Variants in GAS7 observed in about 807,000 individuals in gnomAD.
GAS7 encodes the protein growth arrest-specific protein 7.
A neutral mutation model predicts 71.1 loss-of-function variants in GAS7; 28 were observed. The observed-to-expected ratio is 0.39, with a 90% confidence interval of 0.29 to 0.54. The LOEUF (loss-of-function observed/expected upper bound fraction) is 0.54. Among genes scored for constraint, GAS7 ranks in the 20% least tolerant of loss-of-function variants. The pLI, the probability that GAS7 is intolerant of heterozygous loss-of-function variation, is 0.62. For synonymous variants in GAS7, 258 were observed against 245.8 expected (o/e 1.05, Z -0.46); for missense variants, 436 against 627.8 (o/e 0.69, Z 3.27).
At chr17:10,132,802 T>A (rs1454560977) in intron 1 of GAS7, among the ~76,000 whole-genome samples, 1 of 151,908 alleles carries the variant, frequency 6.6e-6, no homozygotes. Context: ...ATCTTTAAAG[T>A]CTCTTTTAAA....
At chr17:10,038,259 G>A (rs1031150655) in intron 1 of GAS7, among the ~76,000 whole-genome samples, 4 of 152,180 alleles carry the variant, frequency 2.6e-5, no homozygotes, top group Non-Finnish European at 5.9e-5. Context: ...TTGGGAGGCT[G>A]AGGCAGGAGA....
rs907687988 is a variant in GAS7, at chr17:9,974,307, A to G, written c.386-4545T>C. 2.0e-5 allele frequency among the ~76,000 whole-genome samples: 3 copies of G among 152,094 alleles called. No individual in the cohort carries two copies. Among genetic ancestry groups the G allele is most frequent in the Non-Finnish European group, 4.4e-5 (3 of 67,994 alleles). On this transcript the variant is annotated intron_variant, in intron 3 of 13. Coordinates refer to ENST00000432992, the MANE Select transcript of GAS7 (RefSeq NM_201433.2). The surrounding 1 kb of genome is among the most constrained non-coding windows in gnomAD (Gnocchi z 4.0). Reference sequence around the variant, plus strand: ...CGTCTCAGTGGAGATCTAGACAGTTATAGCCCACAAGATCCTGGCAACCCT... The same window carrying G: ...CGTCTCAGTGGAGATCTAGACAGTTGTAGCCCACAAGATCCTGGCAACCCT...
intron 1 of GAS7, among the ~76,000 whole-genome samples, chr17:10,090,972 C>G (rs907931250): frequency 6.6e-6 from 1 of 152,118 alleles, no homozygotes; most frequent in East Asian, 1.9e-4. Flanking sequence ...TTTTCTCTCC[C>G]CACAGGACTC....
chr17:10,175,263 T>C (rs1205742040), intron 1 of GAS7, among the ~76,000 whole-genome samples: 14 of 151,860 alleles, frequency 9.2e-5, no homozygotes, highest in Non-Finnish European at 2.1e-4. Flanking sequence ...CCCTATGTTT[T>C]TTCAAGGTTT....
intron 1 of GAS7, among the ~76,000 whole-genome samples, chr17:10,196,947 G>A (rs1210027634): frequency 6.6e-6 from 1 of 152,176 alleles, no homozygotes; most frequent in Non-Finnish European, 1.5e-5. Flanking sequence ...AGAACCAAGA[G>A]GGTTCCTGCA....
chr17:10,005,286 T>TGCATACATGTATATACACATATATACAC (rs2071478453), intron 2 of GAS7, among the ~76,000 whole-genome samples: 1 of 149,392 alleles, frequency 6.7e-6, no homozygotes, highest in Admixed American at 6.6e-5. Context: ...TGTATATACA[T>TGCATACATGTATATACACATATATACAC]GCATACATGT....
In GAS7 at chr17:10,058,251, T is replaced by TAAAAAC. The variant is rs138792666; in HGVS notation, c.184-38360_184-38355dup. ...ATACCCAAGAATGATCAATAAATAC[T>TAAAAAC]AAAAACAAAAACAAAAACAAAAACA... is the stretch of plus-strand genomic sequence containing the variant. On this transcript the variant is annotated intron_variant, in intron 1 of 13. Transcript: ENST00000432992. Among the ~76,000 whole-genome samples the TAAAAAC allele has an allele frequency of 1.0e-3, 157 of 151,514 alleles. 1 individual carries two copies. The highest frequency in any genetic ancestry group is 1.1e-3 in the Non-Finnish European group (78 of 67,944).
chr17:10,012,564 G>A (rs1455286769), intron 2 of GAS7, among the ~76,000 whole-genome samples: 1 of 152,206 alleles, frequency 6.6e-6, no homozygotes, highest in Non-Finnish European at 1.5e-5. Context: ...CTGGATTACA[G>A]GTGAGAGCCA....
intron 2 of GAS7, among the ~76,000 whole-genome samples, chr17:9,982,869 G>GA (rs2070483755): frequency 3.4e-5 from 4 of 118,928 alleles, no homozygotes; most frequent in African/African-American, 8.0e-5. Flanking sequence ...AAGAAAGAAA[G>GA]CAAAGAAAGC....
At chr17:10,029,664 C>T (rs11870363) in intron 1 of GAS7, among the ~76,000 whole-genome samples, 56 of 151,876 alleles carry the variant, frequency 3.7e-4, no homozygotes, top group African/African-American at 1.2e-3. Flanking sequence ...GACCAACCTG[C>T]GCAACACAGC....
intron 2 of GAS7, among the ~76,000 whole-genome samples, chr17:10,015,805 C>T (rs746999295): frequency 1.3e-5 from 2 of 152,132 alleles, no homozygotes; most frequent in Non-Finnish European, 2.9e-5. Context: ...CCTAGCCCTT[C>T]CTTACCCTTC....
chr17:10,175,795 T>A (rs962273459), intron 1 of GAS7, among the ~76,000 whole-genome samples: 3 of 152,228 alleles, frequency 2.0e-5, no homozygotes, highest in Admixed American at 6.5e-5. Context: ...CTACTACAGC[T>A]GGCCATGCAT....
intron 1 of GAS7, among the ~76,000 whole-genome samples, chr17:10,055,591 C>T (rs138885811): frequency 6.6e-6 from 1 of 152,206 alleles, no homozygotes; most frequent in African/African-American, 2.4e-5. Context: ...GGTTTTCCCC[C>T]ACAAGGAAAT....
chr17:10,194,516 G>C (rs184554993), intron 1 of GAS7, among the ~76,000 whole-genome samples: 13 of 152,284 alleles, frequency 8.5e-5, no homozygotes, highest in Admixed American at 5.9e-4. Flanking sequence ...CTATTTCTCA[G>C]CCTTGATGTA....
chr17:9,919,765 C>G lies in GAS7; in HGVS notation c.1139-60G>C. On this transcript the variant is annotated intron_variant, in intron 11 of 13. Coordinates refer to ENST00000432992, the MANE Select transcript of GAS7 (RefSeq NM_201433.2). This position sits in a 1 kb window ranked among gnomAD's most constrained non-coding sequence, Gnocchi z 5.0. ...CCTATCCTCACCATGACTCTGTGCCCCACCCTGAGCCCCACAGCCAAGCCT... is the reference window on the plus strand; with the variant it reads ...CCTATCCTCACCATGACTCTGTGCCGCACCCTGAGCCCCACAGCCAAGCCT... 1 of 1,238,644 alleles carries G rather than the reference C, an allele frequency of 8.1e-7. No homozygotes were observed. The highest frequency in any genetic ancestry group is 1.9e-4 in the Middle Eastern group (1 of 5,380). 76.7% of individuals were successfully genotyped at this position (1,238,644 alleles called of 1,614,324 possible).
intron 1 of GAS7, among the ~76,000 whole-genome samples, chr17:10,130,471 G>A (rs1047295275): frequency 1.4e-4 from 22 of 152,032 alleles, no homozygotes; most frequent in Admixed American, 1.2e-3. Context: ...TACTTACCAC[G>A]TGACCCAGCA....
rs146741072 is a variant in GAS7, at chr17:10,076,713, T to G, written c.184-56816A>C. On this transcript the variant is annotated intron_variant, in intron 1 of 13. Coordinates refer to ENST00000432992, the MANE Select transcript of GAS7 (RefSeq NM_201433.2). ...AGATTGTTATACTGATGATTTCAAGTTGAAAACATTGGAGAAACTGTAGTT... is the reference window on the plus strand; with the variant it reads ...AGATTGTTATACTGATGATTTCAAGGTGAAAACATTGGAGAAACTGTAGTT... Among the ~76,000 whole-genome samples the G allele has an allele frequency of 2.6e-5, 4 of 152,274 alleles. No homozygotes were observed. In the East Asian group the frequency reaches 7.7e-4, roughly 29 times the overall value.
In GAS7 at chr17:9,914,746, G is replaced by A. The variant is rs958674271; in HGVS notation, c.*2482C>T. The A allele has an allele frequency of 1.3e-5, 3 of 224,422 alleles. No individual in the cohort carries two copies. Among genetic ancestry groups the A allele is most frequent in the South Asian group, 1.8e-4 (1 of 5,452 alleles). The allele number at this position is 224,422 out of a possible 1,614,324, so 13.9% of individuals were successfully genotyped here. A position where few individuals can be genotyped will look rare whatever the true frequency, so the allele number is the denominator to read the frequency against. On this transcript the variant is annotated 3_prime_UTR_variant, in exon 14 of 14. Coordinates refer to ENST00000432992, the MANE Select transcript of GAS7 (RefSeq NM_201433.2). The stretch of plus-strand genomic sequence containing the variant: ...TGTTCTTATTATACTCTTCTCAGTC[G>A]ACATGGAGAATAGAGGAGAGCAGAG...
At chr17:10,058,940 A>C (rs970363052) in intron 1 of GAS7, among the ~76,000 whole-genome samples, 4 of 152,346 alleles carry the variant, frequency 2.6e-5, no homozygotes, top group African/African-American at 9.6e-5. Context: ...AGATCAAGTT[A>C]TACAATCCTG....
Sources: gnomAD v4.1 joint callset for allele counts (sites outside exome capture counted in the v4.1 genomes callset) on GRCh38, gnomAD v4.1.1 for gene constraint, Gnocchi (gnomAD v3.1) non-coding constraint, MANE v1.5 for transcripts, NCBI Gene and HGNC (gene_info 2026-07-23, HGNC 2026-07-21) for gene names.